Variants in INO80 observed in about 807,000 individuals in gnomAD.
INO80 encodes the protein INO80 complex ATPase subunit.
In INO80, 20 loss-of-function variants were observed where a neutral mutation model predicts 203.4. The observed-to-expected ratio is 0.10, with a 90% CI of 0.07 to 0.14. The LOEUF is 0.14. Ranked by LOEUF, INO80 falls within the 10% of genes least tolerant of loss-of-function variation. The pLI, the probability that INO80 is intolerant of heterozygous loss-of-function variation, is 1.00. For missense variants in INO80, 1,419 were observed against 1,914.4 expected (o/e 0.74, Z 4.83); for synonymous variants, 726 against 685.2 (o/e 1.06, Z -0.93).
chr15:40,989,337 TAAC>T (rs1412455437), intron 29 of INO80, among the ~76,000 whole-genome samples: 4 of 152,232 alleles, frequency 2.6e-5, no homozygotes, highest in East Asian at 1.9e-4. Flanking sequence ...ACAAACAAAT[TAAC>T]AACAAAATAT....
chr15:41,109,514 C>T (rs1596333541), intron 1 of INO80, among the ~76,000 whole-genome samples: 1 of 152,068 alleles, frequency 6.6e-6, no homozygotes, highest in African/African-American at 2.4e-5. Flanking sequence ...TCTGGCCAGG[C>T]ACAGTGGCTC....
At chr15:41,097,072 C>A (rs1388848469) in intron 1 of INO80, among the ~76,000 whole-genome samples, 1 of 152,208 alleles carries the variant, frequency 6.6e-6, no homozygotes, top group Non-Finnish European at 1.5e-5. Context: ...TATAACAACG[C>A]TTCTCCCACC....
intron 1 of INO80, among the ~76,000 whole-genome samples, chr15:41,101,341 C>A (rs1292903214): frequency 6.6e-6 from 1 of 152,086 alleles, no homozygotes; most frequent in Non-Finnish European, 1.5e-5. Flanking sequence ...ACCCTTTTAC[C>A]CACCTTCTAC....
chr15:41,081,485 T>C (rs1228719514), intron 7 of INO80, among the ~76,000 whole-genome samples: 2 of 152,134 alleles, frequency 1.3e-5, no homozygotes, highest in Non-Finnish European at 2.9e-5. Context: ...TAAACTAGTC[T>C]CCTAAGTGTG....
chr15:41,108,238 G>C (rs1472186005), intron 1 of INO80, among the ~76,000 whole-genome samples: 1 of 152,054 alleles, frequency 6.6e-6, no homozygotes, highest in Admixed American at 6.6e-5. Flanking sequence ...AACTTTCAGT[G>C]GAAACAGCAT....
intron 27 of INO80, among the ~76,000 whole-genome samples, chr15:41,008,100 G>C (rs1278355476): frequency 6.6e-6 from 1 of 152,138 alleles, no homozygotes; most frequent in Non-Finnish European, 1.5e-5. Context: ...TCTGAGCCCA[G>C]GGAGTTTGAG....
At chr15:41,101,489 AAT>A (rs2045806076) in intron 1 of INO80, among the ~76,000 whole-genome samples, 1 of 152,096 alleles carries the variant, frequency 6.6e-6, no homozygotes, top group Non-Finnish European at 1.5e-5. Context: ...ACCTTAGCTC[AAT>A]AGTTTCCTCT....
intron 27 of INO80, among the ~76,000 whole-genome samples, chr15:41,008,441 ATGT>A (rs1469668222): frequency 2.0e-5 from 3 of 152,148 alleles, no homozygotes; most frequent in Non-Finnish European, 4.4e-5. Flanking sequence ...AAATGGGGAG[ATGT>A]TGGTCAAAGG....
At chr15:41,041,834 C>CTTTTT (rs35077430) in intron 24 of INO80, among the ~76,000 whole-genome samples, 2 of 123,736 alleles carry the variant, frequency 1.6e-5, no homozygotes, top group South Asian at 2.6e-4. Context: ...GAAAGATTTC[C>CTTTTT]TTTTTTTTTT....
At chr15:41,099,784 A>C (rs1392678761) in intron 1 of INO80, among the ~76,000 whole-genome samples, 1 of 152,080 alleles carries the variant, frequency 6.6e-6, no homozygotes, top group Admixed American at 6.6e-5. Context: ...TATCCAAAAA[A>C]AAAAAAACTT....
intron 9 of INO80, among the ~76,000 whole-genome samples, chr15:41,078,861 C>A (rs1198045441): frequency 6.6e-6 from 1 of 152,164 alleles, no homozygotes; most frequent in Non-Finnish European, 1.5e-5. Context: ...GTAAAGTAGG[C>A]TGGGCATGGT....
In INO80 at chr15:40,980,271, A is replaced by G. The variant is rs1346090766; in HGVS notation, c.4623T>C (p.Ser1541=). ...LHMTSSLAPD[S]LVRKQGKGTN... ...TGCCTTTGCCCTGTTTCCGGACCAGAGAGTCTGGGGCTAGGCTGCTGGTCA... is the reference window on the plus strand; with the variant it reads ...TGCCTTTGCCCTGTTTCCGGACCAGGGAGTCTGGGGCTAGGCTGCTGGTCA... Residue 1541 remains serine (S), a synonymous_variant, in exon 36 of 36, where the codon TCT becomes TCC. Transcript: ENST00000648947. 27 of 1,613,446 alleles carry G rather than the reference A, an allele frequency of 1.7e-5. No homozygotes were observed. Among genetic ancestry groups the G allele is most frequent in the African/African-American group, 2.7e-5 (2 of 74,910 alleles).
chr15:41,045,912 A>G (rs1387291618), intron 23 of INO80, among the ~76,000 whole-genome samples: 1 of 151,858 alleles, frequency 6.6e-6, no homozygotes, highest in Non-Finnish European at 1.5e-5. Flanking sequence ...GGAAAAAAAA[A>G]AAATTCCTTC....
chr15:41,017,547 C>A (rs1238323919), intron 26 of INO80: 2 of 152,238 alleles, frequency 1.3e-5, no homozygotes, highest in Non-Finnish European at 2.9e-5. Context: ...TCCAAAAGTT[C>A]TCAACAGTCA....
chr15:41,014,772 T>A (rs2044179264), intron 27 of INO80, among the ~76,000 whole-genome samples: 1 of 152,152 alleles, frequency 6.6e-6, no homozygotes, highest in African/African-American at 2.4e-5. Flanking sequence ...TCAGATAAAT[T>A]CATTGCAAAA....
rs1175898156 is a variant in INO80, at chr15:40,984,194, C to T, written c.4077+3G>A. The T allele has an allele frequency of 1.2e-6, 2 of 1,612,842 alleles. No individual in the cohort carries two copies. Among genetic ancestry groups the T allele is most frequent in the Non-Finnish European group, 1.7e-6 (2 of 1,179,414 alleles). On this transcript the variant is annotated splice_donor_region_variant and intron_variant, in intron 33 of 35. Coordinates refer to ENST00000648947, the MANE Select transcript of INO80 (RefSeq NM_017553.3). ...TGATGCAGGCATCTAAAAGGAGCCTCACCTCACTGAAAGGGCTTGGCATGG... is the reference window on the plus strand; with the variant it reads ...TGATGCAGGCATCTAAAAGGAGCCTTACCTCACTGAAAGGGCTTGGCATGG...
chr15:41,115,899 C>G, intron 1 of INO80, 74 bp downstream of exon 1: 1 of 379,536 alleles, frequency 2.6e-6, no homozygotes. Flanking sequence ...GCCCAGTTGT[C>G]GCCCGCAGAG....
At chr15:41,084,214 C>T (rs913942832) in intron 7 of INO80, among the ~76,000 whole-genome samples, 1 of 144,314 alleles carries the variant, frequency 6.9e-6, no homozygotes, top group Non-Finnish European at 1.5e-5. Flanking sequence ...AAAAAAAAAA[C>T]GCTACATATG....
intron 7 of INO80, among the ~76,000 whole-genome samples, chr15:41,082,470 G>A (rs1156443755): frequency 6.6e-6 from 1 of 152,066 alleles, no homozygotes; most frequent in Non-Finnish European, 1.5e-5. Context: ...GGAGGCCGAG[G>A]TGGTTGGATC....
Sources: allele counts gnomAD v4.1 joint callset (sites outside exome capture counted in the v4.1 genomes callset), GRCh38; gene constraint gnomAD v4.1.1; transcripts MANE v1.5; gene names NCBI Gene and HGNC (gene_info 2026-07-23, HGNC 2026-07-21).